The following PKP2 variants were observed in gnomAD, a reference collection of about 807,000 sequenced individuals.
The protein encoded by PKP2 is plakophilin 2, also known as plakophilin-2.
In PKP2, 73 loss-of-function variants were observed where a neutral mutation model predicts 83.4. The ratio of observed to expected loss-of-function variants is 0.88; its 90% CI spans 0.72 to 1.06. The LOEUF is 1.06. Among genes scored for constraint, PKP2 ranks in the 50% least tolerant of loss-of-function variants. The pLI is 0.00. For missense variants in PKP2, 966 were observed against 1,065.4 expected (o/e 0.91, Z 1.30); for synonymous variants, 409 against 430.4 (o/e 0.95, Z 0.62).
At chr12:32,830,897 C>T (rs1290792708) in intron 6 of PKP2, among the ~76,000 whole-genome samples, 1 of 100,450 alleles carries the variant, frequency 1.0e-5, no homozygotes, top group African/African-American at 3.7e-5. Context: ...CAGAGTGAGA[C>T]TGCATCTAAA....
In PKP2 at chr12:32,792,171, A is replaced by G. The variant is rs1956073669; in HGVS notation, c.*253T>C. On this transcript the variant is annotated 3_prime_UTR_variant, in exon 13 of 13. Transcript: ENST00000340811. Reference sequence around the variant, plus strand: ...ATTCACATTTTGATTCCAGGAAGCCATGTACCATAAGCCCTAATAACAAAG... The same window carrying G: ...ATTCACATTTTGATTCCAGGAAGCCGTGTACCATAAGCCCTAATAACAAAG... 1.9e-6 allele frequency: 1 copy of G among 528,726 alleles called. No individual in the cohort carries two copies. The highest frequency in any genetic ancestry group is 3.4e-6 in the Non-Finnish European group (1 of 293,618). The allele number at this position is 528,726 out of a possible 1,614,324, so 32.8% of individuals were successfully genotyped here.
intron 6 of PKP2, among the ~76,000 whole-genome samples, chr12:32,834,642 A>G (rs907155453): frequency 2.0e-5 from 3 of 152,070 alleles, no homozygotes; most frequent in Non-Finnish European, 4.4e-5. Context: ...ACTCTGAGGC[A>G]TTTTAATTTA....
intron 11 of PKP2, among the ~76,000 whole-genome samples, chr12:32,793,205 C>T (rs1292477761): frequency 2.6e-5 from 4 of 152,108 alleles, no homozygotes; most frequent in African/African-American, 9.7e-5. Flanking sequence ...CACGCCACTG[C>T]ACTCCAGCCT....
chr12:32,820,580 CTGT>C (rs1283269539), intron 9 of PKP2: 2 of 152,240 alleles, frequency 1.3e-5, no homozygotes, highest in East Asian at 3.8e-4. Context: ...TAGACATCTG[CTGT>C]TGTTTTTGCC....
intron 1 of PKP2, among the ~76,000 whole-genome samples, chr12:32,889,707 T>C (rs1236534730): frequency 1.3e-5 from 2 of 152,196 alleles, no homozygotes; most frequent in African/African-American, 4.8e-5. Context: ...TCAAATAGTT[T>C]CGACTGTTCT....
At chr12:32,807,064 G>C (rs989127771) in intron 9 of PKP2, among the ~76,000 whole-genome samples, 1 of 152,186 alleles carries the variant, frequency 6.6e-6, no homozygotes, top group African/African-American at 2.4e-5. Context: ...ACCGTTGTCT[G>C]AGAGATGGTT....
chr12:32,843,320 A>G, intron 5 of PKP2: 1 of 1,365,408 alleles, frequency 7.3e-7, no homozygotes, highest in East Asian at 4.6e-5. Context: ...TGGTCTGTAC[A>G]AAGGAAAGAG....
Position 32,888,649 on chromosome 12 carries a change from C to A in PKP2, c.223+7860G>T, listed in dbSNP as rs953147717. 5.1e-5 allele frequency among the ~76,000 whole-genome samples: 5 copies of A among 97,746 alleles called. No homozygotes were observed. The South Asian group carries it at 1.3e-3, about 26-fold the overall frequency. 64.1% of individuals were successfully genotyped at this position (97,746 alleles called of 152,430 possible). A position where few individuals can be genotyped will look rare whatever the true frequency, so the allele number is the denominator to read the frequency against. ...GGATTACAGGCATGCGCCACCACGC[C>A]CAGCTTATTTTTTCTGTACTTTTAG... On this transcript the variant is annotated intron_variant, in intron 1 of 12. Coordinates refer to ENST00000340811, the MANE Select transcript of PKP2 (RefSeq NM_001005242.3).
intron 4 of PKP2, among the ~76,000 whole-genome samples, chr12:32,856,553 T>A (rs769538707): frequency 6.6e-6 from 1 of 151,312 alleles, no homozygotes; most frequent in Non-Finnish European, 1.5e-5. Context: ...AACTGAACAA[T>A]GAGAACACAT....
At chr12:32,839,742 T>C (rs1169137913) in intron 6 of PKP2, among the ~76,000 whole-genome samples, 1 of 152,112 alleles carries the variant, frequency 6.6e-6, no homozygotes, top group African/African-American at 2.4e-5. Flanking sequence ...GGTAAGGCAA[T>C]GGGAGCTGGA....
intron 9 of PKP2, among the ~76,000 whole-genome samples, chr12:32,817,311 C>A (rs763050294): frequency 6.6e-6 from 1 of 152,176 alleles, no homozygotes; most frequent in South Asian, 2.1e-4. Flanking sequence ...ACGTTAAGAC[C>A]TCAAAATGTA....
chr12:32,810,574 G>A (rs1191730123), intron 9 of PKP2, among the ~76,000 whole-genome samples: 1 of 152,024 alleles, frequency 6.6e-6, no homozygotes, highest in East Asian at 1.9e-4. Flanking sequence ...TGCTATTTAA[G>A]AAAAGTGTTT....
intron 6 of PKP2, among the ~76,000 whole-genome samples, chr12:32,827,671 T>A (rs550665024): frequency 6.6e-6 from 1 of 152,182 alleles, no homozygotes; most frequent in Non-Finnish European, 1.5e-5. Flanking sequence ...GGTGGCTCAA[T>A]AGAAAAATAT....
At chr12:32,892,144 C>T (rs570622708) in intron 1 of PKP2, among the ~76,000 whole-genome samples, 5 of 152,048 alleles carry the variant, frequency 3.3e-5, no homozygotes, top group East Asian at 1.9e-4. Flanking sequence ...ACTTTCTGAA[C>T]GATTAGTCAC....
At chr12:32,857,138 T>C (rs1410177175) in intron 4 of PKP2, among the ~76,000 whole-genome samples, 1 of 152,152 alleles carries the variant, frequency 6.6e-6, no homozygotes, top group African/African-American at 2.4e-5. Context: ...AGATAATATG[T>C]TCAGGCCAGG....
chr12:32,802,371 C>G (rs780713699), intron 10 of PKP2, 32 bp downstream of exon 10: 1 of 1,597,698 alleles, frequency 6.3e-7, no homozygotes. Context: ...TCAGCATGTA[C>G]ATATTACACA....
chr12:32,821,462 G>A lies in PKP2; in HGVS notation c.1907C>T (p.Ser636Phe). 6.2e-7 allele frequency: 1 copy of A among 1,614,016 alleles called. No individual in the cohort carries two copies. Among genetic ancestry groups the A allele is most frequent in the Non-Finnish European group, 8.5e-7 (1 of 1,179,984 alleles). ...NPKGVEWLWH[S>F]IVIRMYLSLI... Reference sequence around the variant, plus strand: ...GGACAGATACATCCTTATAACAATGGAATGCCACAGCCACTCCACGCCCTT... The same window carrying A: ...GGACAGATACATCCTTATAACAATGAAATGCCACAGCCACTCCACGCCCTT... Residue 636 changes from serine (S) to phenylalanine (F), a missense_variant, in exon 9 of 13, where the codon TCC (serine) becomes TTC (phenylalanine). Ser to Phe is a radical substitution (Grantham distance 155, BLOSUM62 -2). Coordinates refer to ENST00000340811, the MANE Select transcript of PKP2 (RefSeq NM_001005242.3).
Position 32,822,105 on chromosome 12 carries a change from AT to A in PKP2, c.1839+361del, listed in dbSNP as rs1344971105. On this transcript the variant is annotated intron_variant, in intron 8 of 12. Transcript: ENST00000340811. ...AGGCCAAATATCAGGGCCGACTTTA[AT>A]AAAAACAATTTATATACAATTAGCT... is the stretch of plus-strand genomic sequence containing the variant. Among the ~76,000 whole-genome samples the A allele has an allele frequency of 2.0e-5, 3 of 152,220 alleles. No homozygotes were observed. In the East Asian group the frequency reaches 5.8e-4, roughly 29 times the overall value.
intron 6 of PKP2, among the ~76,000 whole-genome samples, chr12:32,837,192 G>A (rs114157333): frequency 0.016 from 2,429 of 152,250 alleles, 67 homozygotes; most frequent in African/African-American, 0.056. Flanking sequence ...ACTATGAAGG[G>A]CAGGGGCTTT....
Sources: gnomAD v4.1 joint callset for allele counts (sites outside exome capture counted in the v4.1 genomes callset) on GRCh38, gnomAD v4.1.1 for gene constraint, MANE v1.5 for transcripts, NCBI Gene and HGNC (gene_info 2026-07-23, HGNC 2026-07-21) for gene names.